The following MSRA variants were observed in gnomAD, a reference collection of about 807,000 sequenced individuals.
MSRA encodes mitochondrial peptide methionine sulfoxide reductase.
MSRA carries 54 observed loss-of-function variants against 31.3 expected under a neutral mutation model. The ratio of observed to expected loss-of-function variants is 1.73; its 90% CI spans 1.39 to 2.17. The LOEUF (loss-of-function observed/expected upper bound fraction) is 2.17. Ranked by LOEUF, MSRA falls within the 30% of genes most tolerant of loss-of-function variation. MSRA has a pLI of 0.00. For missense variants in MSRA, 507 were observed against 300.9 expected, an observed-to-expected ratio of 1.69 and a Z score of -5.07; for synonymous variants, 169 against 116.5, an observed-to-expected ratio of 1.45 and a Z score of -2.90.
chr8:10,216,053 T>A (rs1236953706), intron 2 of MSRA, among the ~76,000 whole-genome samples: 1 of 152,230 alleles, frequency 6.6e-6, no homozygotes, highest in African/African-American at 2.4e-5. Flanking sequence ...TTATTAAATT[T>A]AACCCAACTA....
intron 5 of MSRA, among the ~76,000 whole-genome samples, chr8:10,397,885 G>A (rs1035821875): frequency 3.3e-5 from 5 of 152,160 alleles, no homozygotes; most frequent in Non-Finnish European, 7.4e-5. Flanking sequence ...AAGGAAGTAA[G>A]CCCATTATAA....
At chr8:10,334,440 G>A (rs941795243) in intron 5 of MSRA, among the ~76,000 whole-genome samples, 10 of 151,986 alleles carry the variant, frequency 6.6e-5, no homozygotes, top group Non-Finnish European at 8.8e-5. Context: ...CCGGGGGCGG[G>A]GGGGAGGTGC....
intron 5 of MSRA, among the ~76,000 whole-genome samples, chr8:10,426,165 C>T (rs761032398): frequency 1.9e-4 from 29 of 152,192 alleles, no homozygotes; most frequent in Non-Finnish European, 3.7e-4. Flanking sequence ...CTAAATCTAC[C>T]CCTGTTAGTT....
intron 1 of MSRA, among the ~76,000 whole-genome samples, chr8:10,086,058 C>T (rs1798544714): frequency 6.6e-6 from 1 of 152,184 alleles, no homozygotes; most frequent in African/African-American, 2.4e-5. Flanking sequence ...CTTCATTTCT[C>T]ATGGATAGAT....
intron 5 of MSRA, among the ~76,000 whole-genome samples, chr8:10,339,302 A>G (rs890211306): frequency 6.6e-6 from 1 of 152,184 alleles, no homozygotes; most frequent in Non-Finnish European, 1.5e-5. Context: ...TTTTCTGGCT[A>G]AATAACTTTT....
intron 1 of MSRA, among the ~76,000 whole-genome samples, chr8:10,194,367 G>T (rs1807791071): frequency 1.3e-5 from 2 of 152,156 alleles, no homozygotes; most frequent in South Asian, 4.1e-4. Flanking sequence ...AGGAGTTTGA[G>T]GCCAGCCTGT....
chr8:10,330,364 T>C (rs1230678484), intron 5 of MSRA, among the ~76,000 whole-genome samples: 1 of 152,190 alleles, frequency 6.6e-6, no homozygotes. Context: ...TTAGCCATGC[T>C]ATAACCATGA....
rs1255092954 is a variant in MSRA at position 10,266,467 on chromosome 8, ATAT to A, written c.331+21245_331+21247del. Among the ~76,000 whole-genome samples the A allele has an allele frequency of 3.3e-5, 5 of 152,274 alleles. No individual in the cohort carries two copies. In the East Asian group the frequency reaches 9.6e-4, roughly 29 times the overall value. On this transcript the variant is annotated intron_variant, in intron 3 of 5. Transcript: ENST00000317173. Reference sequence around the variant, plus strand: ...CTCATTGTAATTTTGACAGCTCTTGATATATTCTGGAAACAAGTCCTTTATCAG... The same window carrying A: ...CTCATTGTAATTTTGACAGCTCTTGAATTCTGGAAACAAGTCCTTTATCAG...
At chr8:10,258,548 A>G (rs1401079422) in intron 3 of MSRA, among the ~76,000 whole-genome samples, 4 of 152,180 alleles carry the variant, frequency 2.6e-5, no homozygotes, top group Non-Finnish European at 5.9e-5. Context: ...CATGCGTTAA[A>G]TAAGGCCGTG....
At chr8:10,154,808 T>G (rs1804009959) in intron 1 of MSRA, among the ~76,000 whole-genome samples, 1 of 152,080 alleles carries the variant, frequency 6.6e-6, no homozygotes, top group Non-Finnish European at 1.5e-5. Flanking sequence ...AAATCACATG[T>G]ATATTGAAAA....
intron 1 of MSRA, among the ~76,000 whole-genome samples, chr8:10,179,765 G>A (rs969318028): frequency 6.6e-6 from 1 of 152,180 alleles, no homozygotes; most frequent in Non-Finnish European, 1.5e-5. Flanking sequence ...TTTGTGGGTT[G>A]AGGTAAGATA....
intron 5 of MSRA, among the ~76,000 whole-genome samples, chr8:10,422,071 A>G (rs1165914486): frequency 2.0e-5 from 3 of 152,212 alleles, no homozygotes; most frequent in South Asian, 4.1e-4. Context: ...GTTTGAGGCC[A>G]GGAATTTGAG....
chr8:10,203,958 A>T (rs1431394419), intron 1 of MSRA, among the ~76,000 whole-genome samples: 1 of 152,018 alleles, frequency 6.6e-6, no homozygotes, highest in East Asian at 1.9e-4. Context: ...GAAAATTTAA[A>T]AAGTAAAAAA....
intron 3 of MSRA, among the ~76,000 whole-genome samples, chr8:10,273,375 ACTTCTACCCC>A (rs1267832751): frequency 6.6e-6 from 1 of 152,172 alleles, no homozygotes; most frequent in Non-Finnish European, 1.5e-5. Flanking sequence ...GACATTAGTT[ACTTCTACCCC>A]CTAGTAGTTG....
chr8:10,361,442 T>G (rs1223634671), intron 5 of MSRA, among the ~76,000 whole-genome samples: 1 of 152,186 alleles, frequency 6.6e-6, no homozygotes, highest in East Asian at 1.9e-4. Context: ...TTTACGTGGT[T>G]GTGGCCCTGG....
intron 1 of MSRA, among the ~76,000 whole-genome samples, chr8:10,088,935 T>C (rs995658793): frequency 9.2e-5 from 14 of 152,104 alleles, no homozygotes; most frequent in South Asian, 4.1e-4. Context: ...TAAAAAGATC[T>C]CAAATATTAA....
intron 1 of MSRA, among the ~76,000 whole-genome samples, chr8:10,207,473 G>T (rs758351847): frequency 1.3e-5 from 2 of 152,240 alleles, no homozygotes; most frequent in Non-Finnish European, 2.9e-5. Flanking sequence ...CTCACCCCCA[G>T]TTCAGCCTGG....
At chr8:10,061,478 C>T (rs960089451) in intron 1 of MSRA, among the ~76,000 whole-genome samples, 3 of 151,994 alleles carry the variant, frequency 2.0e-5, no homozygotes, top group Non-Finnish European at 4.4e-5. Context: ...TTTATGAATC[C>T]TTTCTATGGC....
intron 5 of MSRA, among the ~76,000 whole-genome samples, chr8:10,334,833 A>G (rs1585504763): frequency 6.6e-6 from 1 of 152,212 alleles, no homozygotes. Flanking sequence ...TGGTGGGACC[A>G]TTTAACTCCA....
Sources: allele counts gnomAD v4.1 joint callset (sites outside exome capture counted in the v4.1 genomes callset), GRCh38; gene constraint gnomAD v4.1.1; transcripts MANE v1.5; gene names NCBI Gene and HGNC (gene_info 2026-07-23, HGNC 2026-07-21).